SLC9C1: variants seen among roughly 807,000 people sequenced by gnomAD.
SLC9C1 encodes sodium/hydrogen exchanger 10.
In SLC9C1, 97 loss-of-function variants were observed where a neutral mutation model predicts 140.9. That is an observed-to-expected ratio of 0.69 (90% CI 0.58 to 0.82). The LOEUF (loss-of-function observed/expected upper bound fraction) is 0.82, where lower values mean the gene tolerates loss of function less well. Ranked by LOEUF, SLC9C1 falls within the 40% of genes least tolerant of loss-of-function variation. SLC9C1 has a pLI of 0.00. For synonymous variants in SLC9C1, 440 were observed against 442.6 expected (o/e 0.99, Z 0.07); for missense variants, 1,340 against 1,389.3 (o/e 0.96, Z 0.56).
chr3:112,163,771 G>C (rs1225253800), intron 26 of SLC9C1, among the ~76,000 whole-genome samples: 1 of 152,170 alleles, frequency 6.6e-6, no homozygotes, highest in East Asian at 1.9e-4. Flanking sequence ...GGAGAGTTCT[G>C]TAGATGTCTA....
At chr3:112,197,327 A>G (rs1477193250) in intron 20 of SLC9C1, among the ~76,000 whole-genome samples, 1 of 152,166 alleles carries the variant, frequency 6.6e-6, no homozygotes, top group Non-Finnish European at 1.5e-5. Flanking sequence ...GGGAGGGCTT[A>G]CAATAATGTG....
At chr3:112,212,298 C>A (rs1446524416) in intron 15 of SLC9C1, among the ~76,000 whole-genome samples, 4 of 152,172 alleles carry the variant, frequency 2.6e-5, no homozygotes, top group African/African-American at 9.7e-5. Context: ...AATCAGAGCA[C>A]CTCTCCCCCT....
intron 17 of SLC9C1, among the ~76,000 whole-genome samples, chr3:112,203,520 G>A (rs2077962789): frequency 1.3e-5 from 2 of 151,374 alleles, no homozygotes; most frequent in South Asian, 4.2e-4. Flanking sequence ...AGATCTAAAT[G>A]TAAAGATTCT....
intron 26 of SLC9C1, among the ~76,000 whole-genome samples, chr3:112,165,151 G>A (rs553747908): frequency 8.5e-5 from 13 of 152,162 alleles, no homozygotes; most frequent in Admixed American, 2.6e-4. Flanking sequence ...CTCTGCATTG[G>A]TTATTCTAGT....
At position 112,217,637 on chromosome 3, in the gene SLC9C1, G is replaced by A. The variant is rs2078420722; in HGVS notation, c.1671-76C>T. On this transcript the variant is annotated intron_variant, in intron 14 of 28. Transcript: ENST00000305815. ...TTTAATGTTGTACTGGAAGTTTAAT[G>A]TTGTACATAAGTTTAATTTTGCACA... is the stretch of plus-strand genomic sequence containing the variant. 4.4e-6 allele frequency: 6 copies of A among 1,367,212 alleles called. No individual in the cohort carries two copies. In the Admixed American group the frequency reaches 1.3e-4, roughly 29 times the overall value. 84.7% of individuals were successfully genotyped at this position (1,367,212 alleles called of 1,614,324 possible). A position where few individuals can be genotyped will look rare whatever the true frequency, so the allele number is the denominator to read the frequency against.
chr3:112,245,648 T>C (rs1244543924), intron 10 of SLC9C1, among the ~76,000 whole-genome samples: 1 of 152,104 alleles, frequency 6.6e-6, no homozygotes, highest in African/African-American at 2.4e-5. Flanking sequence ...TCAGATAGTA[T>C]AAGTCCTTAA....
chr3:112,162,344 G>A (rs1289686012), intron 26 of SLC9C1, among the ~76,000 whole-genome samples: 5 of 152,050 alleles, frequency 3.3e-5, no homozygotes, highest in Non-Finnish European at 5.9e-5. Context: ...TCCCTGTCTT[G>A]TGCCAGTTTT....
intron 12 of SLC9C1, among the ~76,000 whole-genome samples, chr3:112,231,765 C>T (rs983544100): frequency 6.6e-6 from 1 of 152,144 alleles, no homozygotes; most frequent in Non-Finnish European, 1.5e-5. Context: ...CATATATGAT[C>T]ATGCTTTACA....
intron 6 of SLC9C1, among the ~76,000 whole-genome samples, chr3:112,270,700 C>G (rs13090629): frequency 0.3 from 45,053 of 152,012 alleles, 7,236 homozygotes; most frequent in East Asian, 0.43. Flanking sequence ...CCTGTAATCC[C>G]GGCTACCTGG....
At chr3:112,221,326 C>G in intron 13 of SLC9C1, 101 bp from the exon 14 acceptor site, 1 of 925,958 alleles carries the variant, frequency 1.1e-6, no homozygotes, top group South Asian at 1.5e-5. Context: ...TAAAAACAAT[C>G]AATCTAGTCT....
chr3:112,170,321 G>A (rs943218457), intron 23 of SLC9C1, among the ~76,000 whole-genome samples: 3 of 152,156 alleles, frequency 2.0e-5, no homozygotes, highest in Non-Finnish European at 4.4e-5. Flanking sequence ...TAGCCTTTCT[G>A]ACTAGTGTAA....
chr3:112,253,497 T>G (rs1405488771), intron 10 of SLC9C1, among the ~76,000 whole-genome samples: 4 of 152,118 alleles, frequency 2.6e-5, no homozygotes, highest in Non-Finnish European at 5.9e-5. Context: ...CCCCAAAGTT[T>G]CAACACCAAA....
intron 9 of SLC9C1, among the ~76,000 whole-genome samples, chr3:112,263,505 A>C (rs1352753174): frequency 8.4e-6 from 1 of 118,526 alleles, no homozygotes; most frequent in Non-Finnish European, 1.9e-5. Flanking sequence ...GAATTGGTCC[A>C]ATATTGGCCA....
intron 26 of SLC9C1, among the ~76,000 whole-genome samples, chr3:112,163,725 G>T (rs890679044): frequency 6.6e-6 from 1 of 152,070 alleles, no homozygotes; most frequent in African/African-American, 2.4e-5. Context: ...GTGTGGTGTG[G>T]TGCTGAAAAA....
chr3:112,273,705 G>A (rs1267988933), intron 6 of SLC9C1, among the ~76,000 whole-genome samples: 1 of 152,112 alleles, frequency 6.6e-6, no homozygotes, highest in Non-Finnish European at 1.5e-5. Context: ...ACTCTCTAGG[G>A]ACAGGGAAAA....
At chr3:112,205,420 A>G (rs2078020703) in intron 16 of SLC9C1, among the ~76,000 whole-genome samples, 2 of 144,800 alleles carry the variant, frequency 1.4e-5, no homozygotes, top group South Asian at 4.8e-4. Context: ...AACAAATGGA[A>G]GAACATTCCA....
chr3:112,216,229 G>A (rs974022653), intron 15 of SLC9C1, among the ~76,000 whole-genome samples: 2 of 152,146 alleles, frequency 1.3e-5, no homozygotes, highest in African/African-American at 4.8e-5. Flanking sequence ...AGACTTAAAT[G>A]TTAGACCTAA....
intron 5 of SLC9C1, among the ~76,000 whole-genome samples, chr3:112,276,384 A>AT: frequency 6.6e-6 from 1 of 150,946 alleles, no homozygotes; most frequent in South Asian, 2.1e-4. Flanking sequence ...ATATATGAAA[A>AT]AATATATATA....
chr3:112,188,011 T>A (rs2077572856), intron 20 of SLC9C1, among the ~76,000 whole-genome samples: 1 of 152,084 alleles, frequency 6.6e-6, no homozygotes, highest in Non-Finnish European at 1.5e-5. Flanking sequence ...TCCATATATG[T>A]TTCCACATCT....
Sources: gnomAD v4.1 joint callset for allele counts (sites outside exome capture counted in the v4.1 genomes callset) on GRCh38, gnomAD v4.1.1 for gene constraint, MANE v1.5 for transcripts, NCBI Gene and HGNC (gene_info 2026-07-23, HGNC 2026-07-21) for gene names.